Variants in ZHX2 observed in about 807,000 individuals in gnomAD.
ZHX2 encodes the protein zinc fingers and homeoboxes 2.
A neutral mutation model predicts 21.9 loss-of-function variants in ZHX2; 6 were observed. The observed-to-expected ratio is 0.27, with a 90% CI of 0.15 to 0.54. The LOEUF is 0.54. Ranked by LOEUF, ZHX2 falls within the 20% of genes least tolerant of loss-of-function variation. ZHX2 has a pLI of 0.95. For synonymous variants in ZHX2, 434 were observed against 437.1 expected, an observed-to-expected ratio of 0.99 and a Z score of 0.09; for missense variants, 908 against 1,090.7, an observed-to-expected ratio of 0.83 and a Z score of 2.36.
intron 1 of ZHX2, among the ~76,000 whole-genome samples, chr8:122,852,407 C>T (rs568881166): frequency 1.3e-5 from 2 of 152,126 alleles, no homozygotes; most frequent in South Asian, 4.2e-4. Flanking sequence ...ATTTAATTCC[C>T]CAAACCACTC....
intron 2 of ZHX2, among the ~76,000 whole-genome samples, chr8:122,876,651 G>C (rs1307818073): frequency 6.6e-6 from 1 of 152,178 alleles, no homozygotes; most frequent in African/African-American, 2.4e-5. Flanking sequence ...GGCTCCACGA[G>C]GACGGGGTAG....
intron 2 of ZHX2, among the ~76,000 whole-genome samples, chr8:122,871,583 C>T (rs1000101044): frequency 2.7e-5 from 4 of 150,288 alleles, no homozygotes; most frequent in African/African-American, 4.9e-5. Flanking sequence ...ATGTAAATGA[C>T]GAGTTAATGG....
intron 1 of ZHX2, among the ~76,000 whole-genome samples, chr8:122,816,969 CT>C (rs57625243): frequency 0.037 from 5,605 of 152,216 alleles, 309 homozygotes; most frequent in African/African-American, 0.12. Context: ...CCTCTGGTGG[CT>C]TTTTCTCCCT....
intron 1 of ZHX2, among the ~76,000 whole-genome samples, chr8:122,800,706 A>T (rs1312719521): frequency 6.6e-6 from 1 of 152,224 alleles, no homozygotes; most frequent in Non-Finnish European, 1.5e-5. Context: ...TGATTTAATC[A>T]TGAGAATAGC....
intron 3 of ZHX2, among the ~76,000 whole-genome samples, chr8:122,971,336 C>T (rs1220838684): frequency 2.0e-5 from 3 of 150,432 alleles, no homozygotes; most frequent in African/African-American, 7.4e-5. Context: ...GACAACATCA[C>T]CTATAAGGAT....
chr8:122,947,092 CAA>C (rs57090731), intron 2 of ZHX2, among the ~76,000 whole-genome samples: 8 of 67,272 alleles, frequency 1.2e-4, no homozygotes, highest in Admixed American at 1.8e-4. Flanking sequence ...CCTGTCTTTG[CAA>C]AAAAAAAAAA....
At position 122,953,812 on chromosome 8, in the gene ZHX2, A is replaced by G. The variant is rs141390481; in HGVS notation, c.2302A>G (p.Thr768Ala). 1.3e-3 allele frequency: 2,039 copies of G among 1,614,222 alleles called. 8 individuals carry two copies. Among genetic ancestry groups the G allele is most frequent in the Middle Eastern group, 5.4e-3 (33 of 6,062 alleles). ...DCLPAKPSEA[T>A]SDRSEGSSRD... ...TTTGCCAGCAAAGCCCTCAGAGGCC[A>G]CCTCAGACCGGTCAGAGGGCAGCAG... Residue 768 changes from threonine to alanine, a missense_variant, in exon 3 of 4, where the codon ACC becomes GCC. By Grantham distance (58) the Thr-to-Ala change is moderately conservative. Around this residue, in one of 4 missense-constraint regions of ZHX2, gnomAD observed 431 missense variants for 428.6 expected, o/e 1.01. Coordinates refer to ENST00000314393, the MANE Select transcript of ZHX2 (RefSeq NM_014943.5). This position sits in a 1 kb window ranked among gnomAD's most constrained non-coding sequence, Gnocchi z 4.6.
chr8:122,931,445 G>A (rs536478613), intron 2 of ZHX2, among the ~76,000 whole-genome samples: 11 of 152,102 alleles, frequency 7.2e-5, no homozygotes, highest in Non-Finnish European at 1.3e-4. Flanking sequence ...AATGTTGCAC[G>A]CCTTATGTCA....
At chr8:122,888,301 A>G (rs997286408) in intron 2 of ZHX2, among the ~76,000 whole-genome samples, 7 of 151,870 alleles carry the variant, frequency 4.6e-5, no homozygotes, top group Non-Finnish European at 5.9e-5. Context: ...ATTATTGTAC[A>G]TATTTATGGG....
chr8:122,945,463 A>T (rs1457489112), intron 2 of ZHX2, among the ~76,000 whole-genome samples: 1 of 141,308 alleles, frequency 7.1e-6, no homozygotes, highest in African/African-American at 2.7e-5. Context: ...AAAAAAAAAA[A>T]GGCATGTATT....
intron 2 of ZHX2, among the ~76,000 whole-genome samples, chr8:122,922,407 A>G (rs1270031099): frequency 6.6e-6 from 1 of 152,214 alleles, no homozygotes; most frequent in African/African-American, 2.4e-5. Flanking sequence ...GATGTTAGGG[A>G]AGGGCTCGGA....
intron 3 of ZHX2, among the ~76,000 whole-genome samples, chr8:122,955,110 T>TTA (rs1196874375): frequency 7.0e-6 from 1 of 142,658 alleles, no homozygotes; most frequent in African/African-American, 2.7e-5. Flanking sequence ...TGGTTACTAA[T>TTA]GGCCATGTCA....
intron 1 of ZHX2, among the ~76,000 whole-genome samples, chr8:122,818,495 C>G (rs1474141761): frequency 6.6e-6 from 1 of 152,264 alleles, no homozygotes; most frequent in South Asian, 2.1e-4. Flanking sequence ...CCTCCTCCCT[C>G]TCTGCCTAGT....
chr8:122,937,933 G>GTTTTTTTTTTTTTTTTTTTT lies in ZHX2; in HGVS notation c.-219-13357_-219-13338dup, dbSNP rs71310636. 2.7e-5 allele frequency among the ~76,000 whole-genome samples: 2 copies of GTTTTTTTTTTTTTTTTTTTT among 73,352 alleles called. 1 individual carries two copies. Among genetic ancestry groups the GTTTTTTTTTTTTTTTTTTTT allele is most frequent in the African/African-American group, 1.1e-4 (2 of 17,526 alleles). 48.1% of individuals were successfully genotyped at this position (73,352 alleles called of 152,430 possible). A position where few individuals can be genotyped will look rare whatever the true frequency, so the allele number is the denominator to read the frequency against. On this transcript the variant is annotated intron_variant, in intron 2 of 3. Transcript: ENST00000314393. The stretch of plus-strand genomic sequence containing the variant: ...ATTATGTTTCCTGGTTTTCTTTTTG[G>GTTTTTTTTTTTTTTTTTTTT]TTTTTTTTTTTTTTTTTTTTTGAGA...
intron 1 of ZHX2, among the ~76,000 whole-genome samples, chr8:122,807,556 G>T (rs9643176): frequency 0.47 from 71,148 of 152,104 alleles, 17,034 homozygotes; most frequent in South Asian, 0.53. Context: ...CCTAACCAGG[G>T]ATTTGTGGAA....
intron 2 of ZHX2, among the ~76,000 whole-genome samples, chr8:122,878,592 C>CTT (rs781424771): frequency 6.6e-6 from 1 of 152,156 alleles, no homozygotes; most frequent in Non-Finnish European, 1.5e-5. Context: ...GGTACAAGAG[C>CTT]TTTTTCAGGT....
At chr8:122,792,928 A>G (rs1389607730) in intron 1 of ZHX2, among the ~76,000 whole-genome samples, 1 of 152,172 alleles carries the variant, frequency 6.6e-6, no homozygotes, top group Non-Finnish European at 1.5e-5. Context: ...GCCACCACCC[A>G]GCTCCTAGTG....
intron 3 of ZHX2, among the ~76,000 whole-genome samples, chr8:122,958,158 G>A (rs1242476962): frequency 6.6e-6 from 1 of 152,196 alleles, no homozygotes; most frequent in Non-Finnish European, 1.5e-5. Flanking sequence ...TAGGCGTTAA[G>A]CATCTCCTGC....
At chr8:122,855,043 A>C (rs1818996246) in intron 1 of ZHX2, among the ~76,000 whole-genome samples, 1 of 152,238 alleles carries the variant, frequency 6.6e-6, no homozygotes, top group Non-Finnish European at 1.5e-5. Flanking sequence ...AATAAACAGT[A>C]AGGTATATAA....
Sources: allele counts gnomAD v4.1 joint callset (sites outside exome capture counted in the v4.1 genomes callset), GRCh38; gene constraint gnomAD v4.1.1; regional missense constraint gnomAD v4.1.1; non-coding constraint Gnocchi (gnomAD v3.1); transcripts MANE v1.5; gene names NCBI Gene and HGNC (gene_info 2026-07-23, HGNC 2026-07-21).